Variants in IGFL2 observed in about 807,000 individuals in gnomAD.
IGFL2 encodes IGF like family member 2.
IGFL2 carries 7 observed loss-of-function variants against 13.9 expected under a neutral mutation model. The observed-to-expected ratio is 0.51, with a 90% CI of 0.29 to 0.95. The LOEUF (loss-of-function observed/expected upper bound fraction) is 0.95. Among genes scored for constraint, IGFL2 ranks in the 40% least tolerant of loss-of-function variants. IGFL2 has a pLI of 0.08. For synonymous variants in IGFL2, 55 were observed against 55.8 expected (o/e 0.99, Z 0.07); for missense variants, 138 against 147.8 (o/e 0.93, Z 0.34).
chr19:46,175,923 A>G, the IGFL2 span, among the ~76,000 whole-genome samples: 1 of 145,358 alleles, frequency 6.9e-6, no homozygotes, highest in African/African-American at 2.6e-5. Flanking sequence ...GCTCACTGCA[A>G]CCTCCACCTC....
At chr19:46,089,471 A>G in the IGFL2 span, among the ~76,000 whole-genome samples, 3 of 152,126 alleles carry the variant, frequency 2.0e-5, no homozygotes, top group Non-Finnish European at 4.4e-5. Context: ...TTGTACTTTC[A>G]GATGTTTTTG....
the IGFL2 span, among the ~76,000 whole-genome samples, chr19:46,171,388 GAA>G: frequency 5.3e-4 from 81 of 152,300 alleles, 2 homozygotes; most frequent in Admixed American, 5.3e-3. Context: ...TTGACAGAGA[GAA>G]GAAGCTATTG....
At chr19:46,168,348 A>T in the IGFL2 span, among the ~76,000 whole-genome samples, 1 of 152,216 alleles carries the variant, frequency 6.6e-6, no homozygotes, top group Non-Finnish European at 1.5e-5. Context: ...GTCTGGTCTT[A>T]TTTAAAGCAT....
At chr19:46,207,310 T>C in the IGFL2 span, 1 of 152,172 alleles carries the variant, frequency 6.6e-6, no homozygotes, top group African/African-American at 2.4e-5. Context: ...GTTTCTACCC[T>C]CTAATCCTCA....
At chr19:46,202,346 A>G in the IGFL2 span, among the ~76,000 whole-genome samples, 4 of 152,202 alleles carry the variant, frequency 2.6e-5, no homozygotes, top group Non-Finnish European at 2.9e-5. Flanking sequence ...ATTGGGGTCA[A>G]ATGCTGTTGC....
chr19:46,186,247 A>G, the IGFL2 span, among the ~76,000 whole-genome samples: 10 of 152,202 alleles, frequency 6.6e-5, no homozygotes, highest in Non-Finnish European at 1.2e-4. Context: ...ATCAGGCCGC[A>G]GGCAGGGCAC....
upstream of IGFL2, among the ~76,000 whole-genome samples, chr19:46,141,666 C>T (rs1972865064): frequency 6.6e-6 from 1 of 152,122 alleles, no homozygotes; most frequent in African/African-American, 2.4e-5. Flanking sequence ...CTGCTTGAAG[C>T]CCTCCTCACA....
At chr19:46,086,587 G>A in the IGFL2 span, among the ~76,000 whole-genome samples, 1 of 152,192 alleles carries the variant, frequency 6.6e-6, no homozygotes, top group Non-Finnish European at 1.5e-5. Flanking sequence ...GCCTCCCAAA[G>A]TGCTGGGATT....
At chr19:46,149,180 C>CT (rs143439832) in intron 1 of IGFL2, 1 of 192,484 alleles carries the variant, frequency 5.2e-6, no homozygotes, top group Non-Finnish European at 1.4e-5. Flanking sequence ...TCTCTCTTCT[C>CT]TCTCTCTTTC....
At chr19:46,113,312 T>G in the IGFL2 span, 1 of 280,208 alleles carries the variant, frequency 3.6e-6, no homozygotes, top group South Asian at 3.3e-5. Context: ...TGGTATGCCA[T>G]TTTGTTCATA....
At chr19:46,121,745 G>A in the IGFL2 span, among the ~76,000 whole-genome samples, 4,382 of 150,858 alleles carry the variant, frequency 0.029, 148 homozygotes, top group Middle Eastern at 0.048. Context: ...TTTAGAAAAC[G>A]TAGAAAAATT....
At chr19:46,080,011 G>T in the IGFL2 span, among the ~76,000 whole-genome samples, 1 of 151,528 alleles carries the variant, frequency 6.6e-6, no homozygotes, top group African/African-American at 2.4e-5. Context: ...GAAAACGTGC[G>T]TCAGAGGGCC....
At chr19:46,146,131 G>A (rs1973124846), upstream of IGFL2, among the ~76,000 whole-genome samples, 1 of 151,286 alleles carries the variant, frequency 6.6e-6, no homozygotes. Context: ...TTTGTATAGA[G>A]TGTGAGCTTT....
chr19:46,149,153 TCTCTCTCTTCTCTCTCTCTCTCTTCTC>T (rs1973311577), intron 1 of IGFL2: 3 of 678,296 alleles, frequency 4.4e-6, no homozygotes, highest in Non-Finnish European at 7.9e-6. Context: ...TCTCTCTCCC[TCTCTCTCTTCTCTCTCTCTCTCTTCTC>T]TCTCTCTTTC....
intron 1 of IGFL2, chr19:46,148,844 C>T (rs1973284058): frequency 1.3e-6 from 2 of 1,495,832 alleles, no homozygotes; most frequent in African/African-American, 1.4e-5. Context: ...TGTGGTTGTG[C>T]CAGTTGACAC....
At chr19:46,188,364 GCTA>G in the IGFL2 span, among the ~76,000 whole-genome samples, 2 of 152,216 alleles carry the variant, frequency 1.3e-5, no homozygotes, top group Non-Finnish European at 2.9e-5. Context: ...CACATGATCA[GCTA>G]AGTGAAAGGT....
At chr19:46,099,589 C>T in the IGFL2 span, among the ~76,000 whole-genome samples, 1 of 151,080 alleles carries the variant, frequency 6.6e-6, no homozygotes, top group Non-Finnish European at 1.5e-5. Flanking sequence ...AGTGCAGTGG[C>T]ACAATCTCAG....
chr19:46,140,988 GTTC>G (rs1972834918), upstream of IGFL2, among the ~76,000 whole-genome samples: 1 of 152,192 alleles, frequency 6.6e-6, no homozygotes, highest in Non-Finnish European at 1.5e-5. Context: ...AGAGTATTCT[GTTC>G]TTCTTAACAA....
chr19:46,134,685 G>T, the IGFL2 span, among the ~76,000 whole-genome samples: 1 of 152,188 alleles, frequency 6.6e-6, no homozygotes, highest in Non-Finnish European at 1.5e-5. Flanking sequence ...AGAATCTAAT[G>T]CTCCTACTGA....
Sources: gnomAD v4.1 joint callset for allele counts (sites outside exome capture counted in the v4.1 genomes callset) on GRCh38, gnomAD v4.1.1 for gene constraint, MANE v1.5 for transcripts, NCBI Gene and HGNC (gene_info 2026-07-23, HGNC 2026-07-21) for gene names.